KHDRBS1: variants seen among roughly 807,000 people sequenced by gnomAD.
KHDRBS1 encodes the protein KH domain-containing, RNA-binding, signal transduction-associated protein 1.
A neutral mutation model predicts 48.4 loss-of-function variants in KHDRBS1; 7 were observed. The observed-to-expected ratio is 0.14, with a 90% CI of 0.08 to 0.27. KHDRBS1 has a LOEUF of 0.27. Among genes scored for constraint, KHDRBS1 ranks in the 10% least tolerant of loss-of-function variants. The pLI, the probability that KHDRBS1 is intolerant of heterozygous loss-of-function variation, is 1.00. For missense variants in KHDRBS1, 458 were observed against 601.2 expected (o/e 0.76, Z 2.49); for synonymous variants, 241 against 235.8 (o/e 1.02, Z -0.20).
intron 1 of KHDRBS1, among the ~76,000 whole-genome samples, chr1:32,016,979 C>T (rs1037882389): frequency 6.6e-6 from 1 of 152,104 alleles, no homozygotes; most frequent in African/African-American, 2.4e-5. Context: ...TGATGACAGC[C>T]GTGCACGGTG....
intron 7 of KHDRBS1, 93 bp from the exon 8 acceptor site, chr1:32,039,422 A>G: frequency 1.3e-6 from 1 of 763,634 alleles, no homozygotes; most frequent in Non-Finnish European, 2.4e-6. Flanking sequence ...GTATTAATAC[A>G]CTTAGTAAAA....
rs16834854 is a variant in KHDRBS1, at chr1:32,041,362, C to T, written c.1235-1165C>T. On this transcript the variant is annotated intron_variant, in intron 8 of 8. Transcript: ENST00000327300. ...GGAGGCAGATACTTGTGAATACAGG[C>T]AGCTGGAAAAATACTTCAGGGATGA... Among the ~76,000 whole-genome samples, 788 of 152,246 alleles carry T rather than the reference C, an allele frequency of 5.2e-3. 6 individuals carry two copies. The highest frequency in any genetic ancestry group is 0.018 in the African/African-American group (762 of 41,546).
chr1:32,030,359 A>C lies in KHDRBS1; in HGVS notation c.444A>C (p.Leu148Phe). The C allele has an allele frequency of 6.2e-7, 1 of 1,612,742 alleles. No homozygotes were observed. Among genetic ancestry groups the C allele is most frequent in the Non-Finnish European group, 8.5e-7 (1 of 1,179,224 alleles). ...ATGATGAGGAGAATTACTTGGATTTATTTTCTCATAAGAACATGAAACTGA... is the reference window on the plus strand; with the variant it reads ...ATGATGAGGAGAATTACTTGGATTTCTTTTCTCATAAGAACATGAAACTGA... ...KKDDEENYLD[L>F]FSHKNMKLKE... is the part of the protein sequence containing the mutation. Residue 148 changes from leucine (L) to phenylalanine (F), a missense_variant, in exon 2 of 9, where the codon TTA becomes TTC. Coordinates refer to ENST00000327300, the MANE Select transcript of KHDRBS1 (RefSeq NM_006559.3).
chr1:32,050,345 C>T (rs1011558468), intron 10 of KHDRBS1, among the ~76,000 whole-genome samples: 3 of 152,102 alleles, frequency 2.0e-5, no homozygotes, highest in Admixed American at 1.3e-4. Flanking sequence ...AGTGGGTTGT[C>T]CTTTTACTTT....
At chr1:32,031,492 T>C (rs1462404300) in intron 2 of KHDRBS1, 32 bp from the exon 3 acceptor site, 2 of 1,301,502 alleles carry the variant, frequency 1.5e-6, no homozygotes, top group South Asian at 2.6e-5. Flanking sequence ...TATAGTAGCA[T>C]GTATATTTAG....
intron 1 of KHDRBS1, among the ~76,000 whole-genome samples, chr1:32,016,415 A>G (rs1318505544): frequency 1.3e-5 from 2 of 152,058 alleles, no homozygotes; most frequent in African/African-American, 2.4e-5. Context: ...GTCAGTCTAC[A>G]CACCTTCCCC....
At chr1:32,026,451 C>T (rs535246241) in intron 1 of KHDRBS1, among the ~76,000 whole-genome samples, 9 of 152,320 alleles carry the variant, frequency 5.9e-5, no homozygotes, top group South Asian at 2.1e-4. Context: ...AGCCACCATG[C>T]CTGGCCACTG....
At chr1:32,056,978 T>A (rs1383386171) in intron 10 of KHDRBS1, among the ~76,000 whole-genome samples, 3 of 152,084 alleles carry the variant, frequency 2.0e-5, no homozygotes, top group Non-Finnish European at 2.9e-5. Context: ...ATTTCAATTG[T>A]GTTAAGTTCT....
intron 1 of KHDRBS1, among the ~76,000 whole-genome samples, chr1:32,025,687 C>T (rs1233067757): frequency 7.0e-6 from 1 of 142,106 alleles, no homozygotes; most frequent in Non-Finnish European, 1.5e-5. Flanking sequence ...TCATCCCCTC[C>T]CTGCCTCCCT....
chr1:32,015,448 A>G (rs1449391459), intron 1 of KHDRBS1, among the ~76,000 whole-genome samples: 1 of 152,224 alleles, frequency 6.6e-6, no homozygotes, highest in African/African-American at 2.4e-5. Flanking sequence ...AATATAATGG[A>G]CAGTTCATTA....
intron 10 of KHDRBS1, chr1:32,052,313 T>TCC (rs1557901147): frequency 6.6e-6 from 1 of 151,900 alleles, no homozygotes; most frequent in African/African-American, 2.4e-5. Flanking sequence ...AAATTGTGTC[T>TCC]TTAAGTGCTG....
In KHDRBS1 at chr1:32,041,445, G is replaced by T. The variant is rs76271621; in HGVS notation, c.1235-1082G>T. 9.1e-3 allele frequency among the ~76,000 whole-genome samples: 1,390 copies of T among 152,204 alleles called. 18 individuals are homozygous for T. Among genetic ancestry groups the T allele is most frequent in the African/African-American group, 0.032 (1,311 of 41,516 alleles). On this transcript the variant is annotated intron_variant, in intron 8 of 8. Coordinates refer to ENST00000327300, the MANE Select transcript of KHDRBS1 (RefSeq NM_006559.3). ...TTAACGCAATTTATTTTCATAAGAG[G>T]TCACCTCTAGAATTATGTGATCATA... is the stretch of plus-strand genomic sequence containing the variant.
chr1:32,019,529 C>CAA (rs199995230), intron 1 of KHDRBS1, among the ~76,000 whole-genome samples: 9 of 144,804 alleles, frequency 6.2e-5, no homozygotes, highest in Non-Finnish European at 1.1e-4. Context: ...AACTCAATCT[C>CAA]AAAAAAAAAC....
intron 2 of KHDRBS1, among the ~76,000 whole-genome samples, chr1:32,031,168 G>A (rs908245230): frequency 9.2e-5 from 14 of 152,144 alleles, no homozygotes; most frequent in African/African-American, 2.4e-5. Flanking sequence ...GATCACTTGA[G>A]TCCAGAAAGT....
In KHDRBS1 at chr1:32,056,164, AT is replaced by A. The variant is rs1639477601; in HGVS notation, n.1302-3997del. Among the ~76,000 whole-genome samples the A allele has an allele frequency of 4.0e-5, 6 of 151,010 alleles. No homozygotes were observed. The South Asian group carries it at 1.3e-3, about 31-fold the overall frequency. On this transcript the variant is annotated intron_variant and non_coding_transcript_variant, in intron 10 of 10. Coordinates refer to the KHDRBS1 transcript ENST00000484270. ...CTCATTCCTAGCCGGTACTGTGGTG[AT>A]TGTCTTTGCATCTCAGGCAGGGAAT...
Position 32,025,292 on chromosome 1 carries a change from C to CTTTT in KHDRBS1, c.383-4983_383-4980dup, listed in dbSNP as rs576339772. 9.3e-4 allele frequency among the ~76,000 whole-genome samples: 86 copies of CTTTT among 92,086 alleles called. 11 individuals carry two copies. Among genetic ancestry groups the CTTTT allele is most frequent in the African/African-American group, 3.3e-3 (61 of 18,644 alleles). 60.4% of individuals were successfully genotyped at this position (92,086 alleles called of 152,430 possible). On this transcript the variant is annotated intron_variant, in intron 1 of 8. Transcript: ENST00000327300. ...AAAAAAAAAAAAAATTCGGCTCCTC[C>CTTTT]TTTTTTTTTTTTTTTTTTTTTTTTT...
At chr1:32,031,707 A>G (rs1339210291) in intron 3 of KHDRBS1, 67 bp downstream of exon 3, 2 of 1,019,726 alleles carry the variant, frequency 2.0e-6, no homozygotes, top group Non-Finnish European at 2.9e-6. Flanking sequence ...TGCAGTATGG[A>G]TGTCTTATAG....
chr1:32,036,163 A>ATTTTTTTTTTTT (rs397742842), intron 4 of KHDRBS1, among the ~76,000 whole-genome samples: 3 of 60,470 alleles, frequency 5.0e-5, no homozygotes, highest in African/African-American at 1.5e-4. Flanking sequence ...CATTTTGAAG[A>ATTTTTTTTTTTT]TTTTTTTTTT....
downstream of KHDRBS1, among the ~76,000 whole-genome samples, chr1:32,048,228 C>T (rs1459942619): frequency 6.6e-6 from 1 of 152,172 alleles, no homozygotes; most frequent in Non-Finnish European, 1.5e-5. Flanking sequence ...ATTTTCTTGG[C>T]TGCGCATGGC....
Sources: allele counts gnomAD v4.1 joint callset (sites outside exome capture counted in the v4.1 genomes callset), GRCh38; gene constraint gnomAD v4.1.1; transcripts MANE v1.5; gene names NCBI Gene and HGNC (gene_info 2026-07-23, HGNC 2026-07-21).